Variants in PYCR3 observed in about 807,000 individuals in gnomAD.
PYCR3 encodes pyrroline-5-carboxylate reductase 3.
PYCR3 carries 26 observed loss-of-function variants against 23.4 expected under a neutral mutation model. The observed-to-expected ratio is 1.11, with a 90% CI of 0.81 to 1.54. The LOEUF is 1.54. PYCR3 is among the 40% of genes most tolerant of loss of function. The pLI is 0.00. For missense variants in PYCR3, 360 were observed against 376.3 expected, an observed-to-expected ratio of 0.96 and a Z score of 0.36; for synonymous variants, 194 against 162.6, an observed-to-expected ratio of 1.19 and a Z score of -1.47.
intron 4 of PYCR3, 136 bp downstream of exon 4, chr8:143,606,331 C>A: frequency 1.8e-6 from 2 of 1,103,664 alleles, no homozygotes; most frequent in South Asian, 1.4e-5. Context: ...CGGGGACAAG[C>A]AGAGCTCCCA....
intron 4 of PYCR3, 24 bp downstream of exon 4, chr8:143,606,443 G>A (rs750139916): frequency 1.2e-5 from 20 of 1,608,948 alleles, no homozygotes; most frequent in South Asian, 1.1e-4. Context: ...GGGTGGGGCC[G>A]GGGATGGACG....
chr8:143,603,938 A>C lies in PYCR3; in HGVS notation c.*1762T>G, dbSNP rs1334598504. The stretch of plus-strand genomic sequence containing the variant: ...CCAAGACAGAGTCTTGCTGTCACCC[A>C]GGCTGGAGTGCAGTGGCATGATCTT... On this transcript the variant is annotated 3_prime_UTR_variant, in exon 6 of 6. Coordinates refer to ENST00000495276, the MANE Select transcript of PYCR3 (RefSeq NM_023078.6). The C allele has an allele frequency of 1.3e-5, 2 of 151,092 alleles. No individual in the cohort carries two copies. The highest frequency in any genetic ancestry group is 3.9e-4 in the East Asian group (2 of 5,138). The allele number at this position is 151,092 out of a possible 1,614,324, so 9.4% of individuals were successfully genotyped here.
chr8:143,605,346 C>T lies in PYCR3; in HGVS notation c.*354G>A, dbSNP rs1030183542. The T allele has an allele frequency of 1.1e-5, 4 of 361,812 alleles. No homozygotes were observed. Among genetic ancestry groups the T allele is most frequent in the Non-Finnish European group, 1.5e-5 (3 of 194,752 alleles). The allele number at this position is 361,812 out of a possible 1,614,324, so 22.4% of individuals were successfully genotyped here. Reference sequence around the variant, plus strand: ...GCATTGGGCCAGCCGTGCCTGTTACCGTAAGTTCTGTTCATGGCCTCAACC... The same window carrying T: ...GCATTGGGCCAGCCGTGCCTGTTACTGTAAGTTCTGTTCATGGCCTCAACC... On this transcript the variant is annotated 3_prime_UTR_variant, in exon 6 of 6. Coordinates refer to ENST00000495276, the MANE Select transcript of PYCR3 (RefSeq NM_023078.6).
At chr8:143,608,836 T>C (rs763252113) in intron 1 of PYCR3, 23 of 456,528 alleles carry the variant, frequency 5.0e-5, no homozygotes, top group Non-Finnish European at 1.3e-5. Context: ...TAGTAAGCTA[T>C]TTCCCGATTG....
chr8:143,609,524 G>T lies in PYCR3; in HGVS notation c.25C>A (p.Arg9=), dbSNP rs560080360. 2.0e-5 allele frequency: 30 copies of T among 1,513,878 alleles called. No homozygotes were observed. The African/African-American group carries it at 4.2e-4, about 21-fold the overall frequency. 93.8% of individuals were successfully genotyped at this position (1,513,878 alleles called of 1,614,324 possible). MAAAEPSP[R]RVGFVGAGRM... is the part of the protein sequence containing the mutation. The stretch of plus-strand genomic sequence containing the variant: ...CCCGCGCCCACGAAGCCCACGCGCC[G>T]CGGAGACGGCTCCGCAGCTGCCATC... The change falls in exon 1 of 6, where the codon CGG becomes AGG. Residue 9 remains arginine, a synonymous_variant. Transcript: ENST00000495276.
intron 3 of PYCR3, 103 bp from the exon 4 acceptor site, chr8:143,606,782 C>T: frequency 1.5e-6 from 2 of 1,354,528 alleles, no homozygotes; most frequent in Admixed American, 2.5e-5. Flanking sequence ...TCGCGGTGGG[C>T]TCCAGCGTCT....
chr8:143,608,858 T>TCTGGACCCTGAAGTATGGCTGAAGG (rs1290170214), intron 1 of PYCR3: 1 of 456,668 alleles, frequency 2.2e-6, no homozygotes, highest in East Asian at 6.9e-5. Context: ...TCTTGACTCT[T>TCTGGACCCTGAAGTATGGCTGAAGG]CTGGACCCTG....
chr8:143,608,203 T>G, intron 1 of PYCR3, 77 bp from the exon 2 acceptor site: 1 of 1,239,716 alleles, frequency 8.1e-7, no homozygotes, highest in Non-Finnish European at 1.2e-6. Context: ...GGAGCTCACT[T>G]GGCCTCTCAG....
rs1182614757 is a variant in PYCR3, at chr8:143,605,326, G to A, written c.*374C>T. Reference sequence around the variant, plus strand: ...AAGCTCCAGCTCCAGACCAGGCATTGGGCCAGCCGTGCCTGTTACCGTAAG... The same window carrying A: ...AAGCTCCAGCTCCAGACCAGGCATTAGGCCAGCCGTGCCTGTTACCGTAAG... On this transcript the variant is annotated 3_prime_UTR_variant, in exon 6 of 6. Coordinates refer to ENST00000495276, the MANE Select transcript of PYCR3 (RefSeq NM_023078.6). The A allele has an allele frequency of 3.1e-6, 1 of 324,424 alleles. No individual in the cohort carries two copies. The allele number at this position is 324,424 out of a possible 1,614,324, so 20.1% of individuals were successfully genotyped here. A position where few individuals can be genotyped will look rare whatever the true frequency, so the allele number is the denominator to read the frequency against.
chr8:143,609,073 T>C (rs1829475650), intron 1 of PYCR3, among the ~76,000 whole-genome samples: 1 of 152,240 alleles, frequency 6.6e-6, no homozygotes, highest in South Asian at 2.1e-4. Context: ...TTTTTGGCTG[T>C]CACAACGTGG....
intron 2 of PYCR3, 81 bp downstream of exon 2, chr8:143,607,981 C>G (rs1251393498): frequency 9.2e-7 from 1 of 1,091,110 alleles, no homozygotes; most frequent in African/African-American, 1.6e-5. Context: ...ATCCCTGGCT[C>G]TGATAAGTGT....
chr8:143,608,536 G>A (rs1205283613), intron 1 of PYCR3: 2 of 311,466 alleles, frequency 6.4e-6, no homozygotes, highest in Non-Finnish European at 1.2e-5. Flanking sequence ...CAGGTTCTTC[G>A]AGAGGGAGAG....
intron 2 of PYCR3, 73 bp downstream of exon 2, chr8:143,607,989 T>C: frequency 8.8e-7 from 1 of 1,136,902 alleles, no homozygotes; most frequent in Non-Finnish European, 1.3e-6. Context: ...CTCTGATAAG[T>C]GTCTTAGTGG....
At chr8:143,607,519 C>T (rs978828445) in intron 2 of PYCR3, among the ~76,000 whole-genome samples, 2 of 152,126 alleles carry the variant, frequency 1.3e-5, no homozygotes, top group Non-Finnish European at 2.9e-5. Flanking sequence ...CAAACACATG[C>T]ACACACACCC....
At chr8:143,606,705 G>C in intron 3 of PYCR3, 26 bp from the exon 4 acceptor site, 1 of 1,559,808 alleles carries the variant, frequency 6.4e-7, no homozygotes, top group Non-Finnish European at 8.7e-7. Flanking sequence ...TCAGAATCAG[G>C]GAGTCTGTAG....
chr8:143,608,173 G>A, intron 1 of PYCR3, 47 bp from the exon 2 acceptor site: 1 of 1,473,744 alleles, frequency 6.8e-7, no homozygotes, highest in East Asian at 2.3e-5. Context: ...GGGTGGGATA[G>A]GATGGCACGG....
In PYCR3 at chr8:143,604,471, G is replaced by C. The variant is rs552855148; in HGVS notation, c.*1229C>G. Reference sequence around the variant, plus strand: ...AGCGTGCTGCTGTCCTGCAGGTGCCGTTAGCCCTGTTTTGCACTGGTGGAT... The same window carrying C: ...AGCGTGCTGCTGTCCTGCAGGTGCCCTTAGCCCTGTTTTGCACTGGTGGAT... On this transcript the variant is annotated 3_prime_UTR_variant, in exon 6 of 6. Coordinates refer to ENST00000495276, the MANE Select transcript of PYCR3 (RefSeq NM_023078.6). 2 of 212,360 alleles carry C rather than the reference G, an allele frequency of 9.4e-6. No homozygotes were observed. Among genetic ancestry groups the C allele is most frequent in the Admixed American group, 1.1e-4 (2 of 17,634 alleles). The allele number at this position is 212,360 out of a possible 1,614,324, so 13.2% of individuals were successfully genotyped here.
chr8:143,608,757 A>C (rs552158758), intron 1 of PYCR3: 46 of 453,530 alleles, frequency 1.0e-4, no homozygotes, highest in Non-Finnish European at 1.9e-4. Context: ...TTTATGTCTC[A>C]TTTAACCTGT....
chr8:143,605,950 G>A (rs1393501245), intron 5 of PYCR3, 68 bp from the exon 6 acceptor site: 15 of 1,564,272 alleles, frequency 9.6e-6, no homozygotes, highest in Admixed American at 3.4e-5. Flanking sequence ...GCCTGCCCTC[G>A]TTGCATCCCC....
Sources: gnomAD v4.1 joint callset for allele counts (sites outside exome capture counted in the v4.1 genomes callset) on GRCh38, gnomAD v4.1.1 for gene constraint, MANE v1.5 for transcripts, NCBI Gene and HGNC (gene_info 2026-07-23, HGNC 2026-07-21) for gene names.